Variants in HMGA2 observed in about 807,000 individuals in gnomAD.
HMGA2 encodes high mobility group protein HMGI-C.
HMGA2 carries 8 observed loss-of-function variants against 19.1 expected under a neutral mutation model. The ratio of observed to expected loss-of-function variants is 0.42; its 90% CI spans 0.25 to 0.76. The LOEUF is 0.76. Among genes scored for constraint, HMGA2 ranks in the 30% least tolerant of loss-of-function variants. The pLI is 0.28. For synonymous variants in HMGA2, 60 were observed against 48.8 expected (o/e 1.23, Z -0.96); for missense variants, 109 against 136.3 (o/e 0.80, Z 1.00).
intron 3 of HMGA2, among the ~76,000 whole-genome samples, chr12:65,876,329 G>C (rs909521952): frequency 3.9e-5 from 6 of 152,172 alleles, no homozygotes; most frequent in African/African-American, 1.4e-4. Flanking sequence ...AGGAGTTTTT[G>C]CATTAGGAAT....
chr12:65,874,951 A>G (rs1170560135), intron 3 of HMGA2, among the ~76,000 whole-genome samples: 1 of 152,092 alleles, frequency 6.6e-6, no homozygotes, highest in Non-Finnish European at 1.5e-5. Context: ...TGCAGTACTT[A>G]TTTTATCTTC....
rs576197948 is a variant in HMGA2 at position 65,929,629 on chromosome 12, A to C, written c.250-21754A>C. On this transcript the variant is annotated intron_variant, in intron 3 of 4. Transcript: ENST00000403681. ...ACTTGAGAGGTGATCTCATCTATAA[A>C]GAGATGTATATTTAAGGAGCTAATT... Among the ~76,000 whole-genome samples, 32 of 152,230 alleles carry C rather than the reference A, an allele frequency of 2.1e-4. No homozygotes were observed. In the East Asian group the frequency reaches 6.0e-3, roughly 28 times the overall value.
At chr12:65,894,487 T>G (rs1255247266) in intron 3 of HMGA2, among the ~76,000 whole-genome samples, 1 of 152,240 alleles carries the variant, frequency 6.6e-6, no homozygotes, top group African/African-American at 2.4e-5. Context: ...AATTTATTTC[T>G]GCTCTGGACA....
rs770792079 is a variant in HMGA2, at chr12:65,915,148, C to T, written c.250-36235C>T. On this transcript the variant is annotated intron_variant, in intron 3 of 4. Transcript: ENST00000403681. ...GTCACTGAATTGTCATTGGAGGAGT[C>T]CAGGATAGCTCTTCATGTTATTTTC... 3.1e-6 allele frequency: 5 copies of T among 1,613,230 alleles called. 1 individual carries two copies. The highest frequency in any genetic ancestry group is 1.3e-5 in the African/African-American group (1 of 75,006).
chr12:65,842,110 T>C (rs1313589037), intron 3 of HMGA2: 2 of 1,289,506 alleles, frequency 1.6e-6, no homozygotes, highest in Admixed American at 2.3e-5. Flanking sequence ...AAATTGGGTC[T>C]CTTTTTTTCC....
At chr12:65,959,863 A>G (rs1305472224) in intron 4 of HMGA2, among the ~76,000 whole-genome samples, 2 of 152,164 alleles carry the variant, frequency 1.3e-5, no homozygotes, top group Non-Finnish European at 2.9e-5. Context: ...GCTATTGTCT[A>G]TAACACACGG....
intron 3 of HMGA2, among the ~76,000 whole-genome samples, chr12:65,928,528 T>A (rs902204248): frequency 1.3e-5 from 2 of 152,226 alleles, no homozygotes; most frequent in Non-Finnish European, 2.9e-5. Context: ...TACTGTAACT[T>A]TTTTACTTTA....
intron 3 of HMGA2, among the ~76,000 whole-genome samples, chr12:65,949,275 A>C (rs1396334559): frequency 6.6e-6 from 1 of 151,566 alleles, no homozygotes; most frequent in Admixed American, 6.6e-5. Flanking sequence ...TATTCTGTCC[A>C]TCTAAAAAAA....
chr12:65,931,165 A>G (rs1875695212), intron 3 of HMGA2, among the ~76,000 whole-genome samples: 1 of 152,182 alleles, frequency 6.6e-6, no homozygotes, highest in South Asian at 2.1e-4. Context: ...TTCAGCATCA[A>G]AGAAAAGGTT....
chr12:65,908,997 G>A (rs545427566), intron 3 of HMGA2, among the ~76,000 whole-genome samples: 16 of 152,192 alleles, frequency 1.1e-4, no homozygotes, highest in African/African-American at 3.6e-4. Context: ...TTCTTTTCTA[G>A]GAAATTGTAG....
intron 3 of HMGA2, among the ~76,000 whole-genome samples, chr12:65,904,160 C>G (rs1033649165): frequency 1.3e-5 from 2 of 152,208 alleles, no homozygotes; most frequent in African/African-American, 4.8e-5. Flanking sequence ...GGACGTCTGA[C>G]AGATCTGTTC....
chr12:65,931,512 G>T (rs1348263590), intron 3 of HMGA2, among the ~76,000 whole-genome samples: 1 of 151,362 alleles, frequency 6.6e-6, no homozygotes, highest in African/African-American at 2.4e-5. Flanking sequence ...CTTATCAAGG[G>T]CAACAAGAAT....
chr12:65,862,997 C>G (rs537137133), intron 3 of HMGA2, among the ~76,000 whole-genome samples: 1 of 152,204 alleles, frequency 6.6e-6, no homozygotes, highest in Non-Finnish European at 1.5e-5. Flanking sequence ...GCTCTACCCA[C>G]CCATGCTCAG....
intron 3 of HMGA2, among the ~76,000 whole-genome samples, chr12:65,882,815 G>T (rs992756671): frequency 6.6e-6 from 1 of 152,224 alleles, no homozygotes; most frequent in Non-Finnish European, 1.5e-5. Context: ...ACGATAGGGA[G>T]TTGTTCAAAA....
chr12:65,960,494 G>A (rs1318683745), intron 4 of HMGA2, among the ~76,000 whole-genome samples: 1 of 152,176 alleles, frequency 6.6e-6, no homozygotes, highest in Admixed American at 6.5e-5. Flanking sequence ...AAGTCACTGG[G>A]AAGGTGAGAG....
intron 4 of HMGA2, chr12:65,955,398 T>C (rs967917747): frequency 2.6e-5 from 4 of 152,154 alleles, no homozygotes; most frequent in African/African-American, 9.7e-5. Flanking sequence ...AATAAGTGTC[T>C]CTCCAACTGA....
intron 1 of HMGA2, chr12:65,826,539 C>G (rs966209643): frequency 1.3e-5 from 2 of 152,190 alleles, no homozygotes; most frequent in African/African-American, 4.8e-5. Context: ...TGTCCGAGAG[C>G]AAGGTGGGGA....
At chr12:65,849,187 C>A (rs999583792) in intron 3 of HMGA2, among the ~76,000 whole-genome samples, 2 of 152,198 alleles carry the variant, frequency 1.3e-5, no homozygotes, top group African/African-American at 2.4e-5. Flanking sequence ...GGGTCTCTGT[C>A]CCTACATTTT....
Position 65,825,434 on chromosome 12 carries a change from G to T in HMGA2, c.111+53G>T. 2 of 1,312,118 alleles carry T rather than the reference G, an allele frequency of 1.5e-6. No individual in the cohort carries two copies. Among genetic ancestry groups the T allele is most frequent in the Non-Finnish European group, 1.0e-6 (1 of 989,880 alleles). 81.3% of individuals were successfully genotyped at this position (1,312,118 alleles called of 1,614,324 possible). A position where few individuals can be genotyped will look rare whatever the true frequency, so the allele number is the denominator to read the frequency against. On this transcript the variant is annotated intron_variant, in intron 1 of 4. Transcript: ENST00000403681. This position sits in a 1 kb window ranked among gnomAD's most constrained non-coding sequence, Gnocchi z 4.4. ...CAGCCCACCCCGTCCCCACTGCCGG[G>T]GCCCAGACACGCGCGGGGCGGCCGG...
Sources: gnomAD v4.1 joint callset for allele counts (sites outside exome capture counted in the v4.1 genomes callset) on GRCh38, gnomAD v4.1.1 for gene constraint, Gnocchi (gnomAD v3.1) non-coding constraint, MANE v1.5 for transcripts, NCBI Gene and HGNC (gene_info 2026-07-23, HGNC 2026-07-21) for gene names.